Variants in ARHGAP6 observed in about 807,000 individuals in gnomAD.
ARHGAP6 encodes the protein rho GTPase-activating protein 6.
Under a neutral mutation model 55.7 loss-of-function variants are expected in ARHGAP6, and 16 were observed. That is an observed-to-expected ratio of 0.29 (90% confidence interval 0.19 to 0.44). The LOEUF is 0.44. Among genes scored for constraint, ARHGAP6 ranks in the 20% least tolerant of loss-of-function variants. The pLI, the probability that ARHGAP6 is intolerant of heterozygous loss-of-function variation, is 1.00. For missense variants in ARHGAP6, 698 were observed against 808.9 expected, an observed-to-expected ratio of 0.86 and a Z score of 1.66; for synonymous variants, 382 against 360.9, an observed-to-expected ratio of 1.06 and a Z score of -0.66.
chrX:11,178,917 A>G (rs1485949374), intron 7 of ARHGAP6, among the ~76,000 whole-genome samples: 2 of 111,312 alleles, frequency 1.8e-5, no homozygotes, highest in Non-Finnish European at 3.8e-5. Flanking sequence ...CTTCTCCTGG[A>G]ATGTTGCTGC....
At chrX:11,467,671 A>C (rs2050306886) in intron 1 of ARHGAP6, among the ~76,000 whole-genome samples, 1 of 111,886 alleles carries the variant, frequency 8.9e-6, no homozygotes, top group African/African-American at 3.2e-5. Flanking sequence ...ATATCCATTT[A>C]TATAAAGTAC....
chrX:11,174,523 TTCCTTCCTTCCTTCCTTCCTTCCTTCC>T (rs2046143004), intron 8 of ARHGAP6, among the ~76,000 whole-genome samples: 1 of 45,153 alleles, frequency 2.2e-5, no homozygotes, highest in African/African-American at 8.5e-5. Context: ...CTTTCTTTCC[TTCCTTCCTTCCTTCCTTCCTTCCTTCC>T]TTCCTTCCTT....
At chrX:11,617,970 T>C (rs2052184641) in intron 1 of ARHGAP6, among the ~76,000 whole-genome samples, 2 of 111,675 alleles carry the variant, frequency 1.8e-5, no homozygotes, top group Admixed American at 1.9e-4. Context: ...CTAATTTTCT[T>C]TTTACTCCTT....
chrX:11,633,315 C>A (rs2052380749), intron 1 of ARHGAP6, among the ~76,000 whole-genome samples: 1 of 112,403 alleles, frequency 8.9e-6, no homozygotes, highest in Non-Finnish European at 1.9e-5. Flanking sequence ...ATACACCCTC[C>A]CTGTCCCAGT....
At chrX:11,233,328 A>T (rs2047158859) in intron 2 of ARHGAP6, among the ~76,000 whole-genome samples, 1 of 111,974 alleles carries the variant, frequency 8.9e-6, no homozygotes, top group African/African-American at 3.2e-5. Flanking sequence ...TACTCACACA[A>T]CAATTGCACT....
chrX:11,576,050 A>G (rs935766601), intron 1 of ARHGAP6, among the ~76,000 whole-genome samples: 1 of 112,175 alleles, frequency 8.9e-6, no homozygotes, highest in Non-Finnish European at 1.9e-5. Flanking sequence ...TTCAGAAGCT[A>G]AACAACAGTG....
chrX:11,361,447 C>T (rs2049009555), intron 1 of ARHGAP6, among the ~76,000 whole-genome samples: 2 of 111,197 alleles, frequency 1.8e-5, no homozygotes, highest in Admixed American at 9.6e-5. Context: ...AACTGGCTAG[C>T]CATATGTAGA....
chrX:11,446,152 T>C (rs1319859110), intron 1 of ARHGAP6, among the ~76,000 whole-genome samples: 4 of 112,414 alleles, frequency 3.6e-5, no homozygotes, highest in Non-Finnish European at 7.5e-5. Flanking sequence ...AATGATTTGT[T>C]TGGGCTTTTG....
At chrX:11,571,547 G>T (rs868465383) in intron 1 of ARHGAP6, among the ~76,000 whole-genome samples, 1 of 109,476 alleles carries the variant, frequency 9.1e-6, no homozygotes, top group Non-Finnish European at 1.9e-5. Flanking sequence ...GGGTGGGCCT[G>T]CTCTAATCAC....
intron 1 of ARHGAP6, among the ~76,000 whole-genome samples, chrX:11,488,456 C>T (rs777554758): frequency 2.4e-4 from 27 of 111,424 alleles, no homozygotes; most frequent in African/African-American, 6.8e-4. Context: ...CCATTAAAAA[C>T]GATATAAAAT....
intron 1 of ARHGAP6, among the ~76,000 whole-genome samples, chrX:11,307,266 G>A (rs961343889): frequency 3.6e-5 from 4 of 110,608 alleles, no homozygotes; most frequent in East Asian, 2.8e-4. Flanking sequence ...GAAATTCACC[G>A]AGAATGACAA....
At chrX:11,158,118 G>C (rs1411383207) in intron 9 of ARHGAP6, among the ~76,000 whole-genome samples, 1 of 111,631 alleles carries the variant, frequency 9.0e-6, no homozygotes, top group Non-Finnish European at 1.9e-5. Flanking sequence ...TATACCCCAC[G>C]TTCCCTCTGG....
intron 1 of ARHGAP6, among the ~76,000 whole-genome samples, chrX:11,427,243 CA>C (rs1008088732): frequency 8.9e-6 from 1 of 112,107 alleles, no homozygotes; most frequent in African/African-American, 3.2e-5. Context: ...CCAGGAACCC[CA>C]TTTGTCAGCC....
chrX:11,411,183 T>TTATA (rs201875323), intron 1 of ARHGAP6, among the ~76,000 whole-genome samples: 2,528 of 31,523 alleles, frequency 0.08, 162 homozygotes, highest in Non-Finnish European at 0.087. Flanking sequence ...CAGACATTAT[T>TTATA]TATATATATA....
chrX:11,195,697 C>A (rs779154821), intron 3 of ARHGAP6, among the ~76,000 whole-genome samples: 2 of 109,654 alleles, frequency 1.8e-5, no homozygotes, highest in Admixed American at 9.8e-5. Flanking sequence ...ATTGAAAAAC[C>A]ACTTATTGGG....
At chrX:11,574,375 C>T (rs1431977889) in intron 1 of ARHGAP6, among the ~76,000 whole-genome samples, 1 of 109,145 alleles carries the variant, frequency 9.2e-6, no homozygotes, top group Non-Finnish European at 1.9e-5. Flanking sequence ...AGCTTATCCA[C>T]CATGATCAAG....
intron 1 of ARHGAP6, among the ~76,000 whole-genome samples, chrX:11,478,770 C>T (rs2050428028): frequency 1.8e-5 from 2 of 111,827 alleles, no homozygotes; most frequent in South Asian, 7.6e-4. Flanking sequence ...TGCTTAATTT[C>T]TCATTTTCAT....
In ARHGAP6 at chrX:11,627,803, G is replaced by A. The variant is rs141240784; in HGVS notation, c.588+36438C>T. 3.9e-3 allele frequency among the ~76,000 whole-genome samples: 434 copies of A among 111,827 alleles called. 2 individuals carry two copies. The highest frequency in any genetic ancestry group is 0.012 in the African/African-American group (375 of 30,914). ...TAATCTAATTCACTCAGTACCTGGC[G>A]TAATAAGTAGTAATTTCTCATTAAG... On this transcript the variant is annotated intron_variant, in intron 1 of 12. Coordinates refer to ENST00000337414, the MANE Select transcript of ARHGAP6 (RefSeq NM_013427.3).
chrX:11,446,592 CTGTCCTA>C, intron 1 of ARHGAP6, among the ~76,000 whole-genome samples: 1 of 111,607 alleles, frequency 9.0e-6, no homozygotes, highest in South Asian at 3.8e-4. Flanking sequence ...CGTTCCTTTT[CTGTCCTA>C]CCAACGTGCA....
Sources: allele counts gnomAD v4.1 joint callset (sites outside exome capture counted in the v4.1 genomes callset), GRCh38; gene constraint gnomAD v4.1.1; transcripts MANE v1.5; gene names NCBI Gene and HGNC (gene_info 2026-07-23, HGNC 2026-07-21).